TBC1D2B: variants seen among roughly 807,000 people sequenced by gnomAD.
The protein encoded by TBC1D2B is TBC1 domain family, member 2B.
Under a neutral mutation model 100.8 loss-of-function variants are expected in TBC1D2B, and 64 were observed. That is an observed-to-expected ratio of 0.64 (90% CI 0.52 to 0.78). TBC1D2B has a LOEUF of 0.78. TBC1D2B is among the 30% of genes least tolerant of loss of function. TBC1D2B has a pLI of 0.00. For missense variants in TBC1D2B, 1,052 were observed against 1,218.4 expected (o/e 0.86, Z 2.03); for synonymous variants, 480 against 479.7 (o/e 1.00, Z -0.01).
chr15:78,002,375 G>C (rs2071937563), intron 11 of TBC1D2B: 1 of 151,958 alleles, frequency 6.6e-6, no homozygotes, highest in African/African-American at 2.4e-5. Context: ...GTACAGATGG[G>C]GTTTCACCAT....
At chr15:78,049,695 C>T (rs1308533983) in intron 2 of TBC1D2B, among the ~76,000 whole-genome samples, 1 of 152,140 alleles carries the variant, frequency 6.6e-6, no homozygotes. Flanking sequence ...GATGTCTCTG[C>T]TGACACCAAA....
chr15:78,028,847 G>C (rs954328994), intron 4 of TBC1D2B, among the ~76,000 whole-genome samples: 3 of 152,164 alleles, frequency 2.0e-5, no homozygotes, highest in Admixed American at 6.5e-5. Context: ...TTCAACAAAT[G>C]TGGCAAAGGA....
intron 3 of TBC1D2B, among the ~76,000 whole-genome samples, chr15:78,031,423 G>A (rs757632306): frequency 2.0e-5 from 3 of 151,898 alleles, no homozygotes; most frequent in Non-Finnish European, 4.4e-5. Context: ...GTGTGGTGGT[G>A]CACACCTGTA....
At chr15:78,050,153 G>C (rs546284442) in intron 2 of TBC1D2B, among the ~76,000 whole-genome samples, 1 of 152,152 alleles carries the variant, frequency 6.6e-6, no homozygotes, top group East Asian at 1.9e-4. Flanking sequence ...ATCCTGCACC[G>C]AGAGCACTGC....
intron 9 of TBC1D2B, among the ~76,000 whole-genome samples, chr15:78,009,960 G>A (rs1185734669): frequency 7.2e-6 from 1 of 139,792 alleles, no homozygotes; most frequent in Non-Finnish European, 1.5e-5. Flanking sequence ...GGGCGAGAGA[G>A]CCAGACTCCG....
chr15:78,039,745 G>A lies in TBC1D2B; in HGVS notation c.683+5155C>T, dbSNP rs746088548. Among the ~76,000 whole-genome samples, 228 of 117,254 alleles carry A rather than the reference G, an allele frequency of 1.9e-3. 1 individual carries two copies. The highest frequency in any genetic ancestry group is 3.4e-3 in the Non-Finnish European group (194 of 56,560). 76.9% of individuals were successfully genotyped at this position (117,254 alleles called of 152,430 possible). On this transcript the variant is annotated intron_variant, in intron 3 of 12. Coordinates refer to ENST00000300584, the MANE Select transcript of TBC1D2B (RefSeq NM_144572.2). ...TCACTCCCACCCATCCAGTAGAGAGGCTTACTACACACACACACACACACA... is the reference window on the plus strand; with the variant it reads ...TCACTCCCACCCATCCAGTAGAGAGACTTACTACACACACACACACACACA...
At chr15:78,000,237 C>T (rs1320021437) in intron 12 of TBC1D2B, among the ~76,000 whole-genome samples, 1 of 152,232 alleles carries the variant, frequency 6.6e-6, no homozygotes, top group East Asian at 1.9e-4. Flanking sequence ...CGCTGCAGGA[C>T]CATGCAAGGC....
Position 78,017,877 on chromosome 15 carries a change from T to G in TBC1D2B, c.1551A>C (p.Ala517=). 2 of 1,612,286 alleles carry G rather than the reference T, an allele frequency of 1.2e-6. No homozygotes were observed. The highest frequency in any genetic ancestry group is 1.1e-5 in the South Asian group (1 of 90,650). ...ILELSALRRN[A]ERRERDLMAK... ...CCATCAGATCCCTCTCTCTCCTTTC[T>G]GCATTTCTTCGTAGAGCTGAGAGTT... The change falls in exon 7 of 13, where the codon GCA becomes GCC. Residue 517 remains alanine (A), a synonymous_variant. Coordinates refer to ENST00000300584, the MANE Select transcript of TBC1D2B (RefSeq NM_144572.2).
At chr15:78,072,839 C>T (rs188961491) in intron 1 of TBC1D2B, among the ~76,000 whole-genome samples, 1 of 152,328 alleles carries the variant, frequency 6.6e-6, no homozygotes, top group African/African-American at 2.4e-5. Context: ...CCCCTACACA[C>T]AGAGAGAGAC....
Position 78,024,297 on chromosome 15 carries a change from G to A in TBC1D2B, c.1329C>T (p.Leu443=), listed in dbSNP as rs766492537. Residue 443 remains leucine, a synonymous_variant, in exon 6 of 13, where the codon CTC becomes CTT. Transcript: ENST00000300584. ...VGELNEQLGM[L]METIQAKDEV... ...CGTCCTTGGCTTGGATGGTCTCCAT[G>A]AGCATTCCCAGCTGCTCGTTGAGCT... The A allele has an allele frequency of 2.5e-6, 4 of 1,614,052 alleles. No individual in the cohort carries two copies. In the South Asian group the frequency reaches 3.3e-5, roughly 13 times the overall value.
At chr15:78,048,624 C>T (rs995628206) in intron 2 of TBC1D2B, among the ~76,000 whole-genome samples, 1 of 152,204 alleles carries the variant, frequency 6.6e-6, no homozygotes, top group Admixed American at 6.5e-5. Context: ...GTTCCCATTT[C>T]CTAGGTTCTG....
intron 3 of TBC1D2B, among the ~76,000 whole-genome samples, chr15:78,032,601 A>G (rs1055793608): frequency 8.5e-5 from 13 of 152,074 alleles, no homozygotes; most frequent in East Asian, 5.8e-4. Flanking sequence ...TCTAAAAGTT[A>G]TAACTGTATT....
intron 3 of TBC1D2B, among the ~76,000 whole-genome samples, chr15:78,032,784 T>C (rs1319368509): frequency 1.3e-5 from 2 of 151,588 alleles, no homozygotes; most frequent in East Asian, 3.9e-4. Context: ...GACTAGAAAA[T>C]TGGATGACCC....
At chr15:78,030,818 A>G (rs2072789664) in intron 3 of TBC1D2B, among the ~76,000 whole-genome samples, 1 of 152,228 alleles carries the variant, frequency 6.6e-6, no homozygotes, top group Admixed American at 6.5e-5. Context: ...ATAAAAAGGT[A>G]CAACAACCTA....
intron 2 of TBC1D2B, among the ~76,000 whole-genome samples, chr15:78,045,359 G>A (rs187283262): frequency 1.2e-3 from 183 of 152,290 alleles, no homozygotes; most frequent in African/African-American, 4.2e-3. Context: ...CTCCAGTACT[G>A]CAGACCAATA....
intron 1 of TBC1D2B, among the ~76,000 whole-genome samples, chr15:78,057,594 C>G (rs1209316855): frequency 6.6e-6 from 1 of 151,996 alleles, no homozygotes. Context: ...TGCAGTGAGC[C>G]GACACGGTGC....
At chr15:78,056,761 A>G (rs546211091) in intron 1 of TBC1D2B, among the ~76,000 whole-genome samples, 28 of 138,580 alleles carry the variant, frequency 2.0e-4, no homozygotes, top group African/African-American at 8.1e-4. Context: ...TGACTTGTCT[A>G]GGTCATACAG....
Position 78,030,031 on chromosome 15 carries a change from T to G in TBC1D2B, c.823A>C (p.Lys275Gln), listed in dbSNP as rs2072769561. The G allele has an allele frequency of 3.1e-6, 5 of 1,608,646 alleles. No homozygotes were observed. The Middle Eastern group carries it at 5.0e-4, about 160-fold the overall frequency. The change falls in exon 4 of 13, where the codon AAG (lysine) becomes CAG (glutamine). Residue 275 changes from lysine (K) to glutamine (Q), a missense_variant. Transcript: ENST00000300584. ...EESIVQEEKK[K>Q]LTPEGNKGVT... ...CCTTTGTTTCCTTCAGGGGTCAGCT[T>G]CTTCTTTTCTTCCTGTACTATGGAC...
Position 78,044,366 on chromosome 15 carries a change from G to A in TBC1D2B, c.683+534C>T, listed in dbSNP as rs115634717. Among the ~76,000 whole-genome samples, 966 of 152,246 alleles carry A rather than the reference G, an allele frequency of 6.3e-3. 19 individuals carry two copies. Among genetic ancestry groups the A allele is most frequent in the African/African-American group, 0.022 (921 of 41,532 alleles). On this transcript the variant is annotated intron_variant, in intron 3 of 12. Transcript: ENST00000300584. ...CCAACTACTCAAGAGGCTGAGGCAGGAGGATCACTTGAGCCCAGGACTTGA... is the reference window on the plus strand; with the variant it reads ...CCAACTACTCAAGAGGCTGAGGCAGAAGGATCACTTGAGCCCAGGACTTGA...
Sources: gnomAD v4.1 joint callset for allele counts (sites outside exome capture counted in the v4.1 genomes callset) on GRCh38, gnomAD v4.1.1 for gene constraint, MANE v1.5 for transcripts, NCBI Gene and HGNC (gene_info 2026-07-23, HGNC 2026-07-21) for gene names.